NRXN3: variants seen among roughly 807,000 people sequenced by gnomAD.
The protein encoded by NRXN3 is neurexin III.
In NRXN3, 32 loss-of-function variants were observed where a neutral mutation model predicts 137.6. The observed-to-expected ratio is 0.23, with a 90% CI of 0.18 to 0.31. The LOEUF is 0.31. Ranked by LOEUF, NRXN3 falls within the 10% of genes least tolerant of loss-of-function variation. The pLI is 1.00. For synonymous variants in NRXN3, 798 were observed against 784.5 expected, an observed-to-expected ratio of 1.02 and a Z score of -0.29; for missense variants, 1,574 against 2,062.5, an observed-to-expected ratio of 0.76 and a Z score of 4.59.
chr14:79,280,283 G>GC, intron 15 of NRXN3: 1 of 1,613,848 alleles, frequency 6.2e-7, no homozygotes, highest in Non-Finnish European at 8.5e-7. Context: ...GTGGTCCCGT[G>GC]CGTTGACCAT....
chr14:78,542,788 C>A (rs1228116617), intron 4 of NRXN3, among the ~76,000 whole-genome samples: 1 of 152,186 alleles, frequency 6.6e-6, no homozygotes, highest in Non-Finnish European at 1.5e-5. Flanking sequence ...CTGGGAGCTG[C>A]AGACTGGAGC....
intron 16 of NRXN3, among the ~76,000 whole-genome samples, chr14:79,593,775 G>A (rs1602612618): frequency 6.6e-6 from 1 of 152,076 alleles, no homozygotes; most frequent in Non-Finnish European, 1.5e-5. Context: ...TCAATTTGAT[G>A]GATTCTTATT....
intron 15 of NRXN3, among the ~76,000 whole-genome samples, chr14:79,366,183 T>A (rs1157457241): frequency 2.6e-5 from 4 of 152,160 alleles, no homozygotes; most frequent in Non-Finnish European, 1.5e-5. Context: ...ATTTTTTAAT[T>A]ATGGGTACAT....
chr14:78,736,501 C>T (rs1338798082), intron 8 of NRXN3, among the ~76,000 whole-genome samples: 1 of 152,174 alleles, frequency 6.6e-6, no homozygotes, highest in Non-Finnish European at 1.5e-5. Flanking sequence ...ATGTGCCAGA[C>T]ATTGCACAAC....
At chr14:78,232,951 A>T (rs769843775) in intron 1 of NRXN3, among the ~76,000 whole-genome samples, 5 of 152,120 alleles carry the variant, frequency 3.3e-5, no homozygotes, top group Non-Finnish European at 7.3e-5. Flanking sequence ...GCCTGTTGGC[A>T]CCTTACAAGG....
At chr14:79,221,946 G>A (rs531328190) in intron 15 of NRXN3, among the ~76,000 whole-genome samples, 7 of 152,212 alleles carry the variant, frequency 4.6e-5, no homozygotes, top group Admixed American at 4.6e-4. Context: ...GTAAGGAAGG[G>A]GTCCAGTTTC....
At chr14:78,876,783 GGTT>G (rs2152608142) in intron 10 of NRXN3, among the ~76,000 whole-genome samples, 1 of 152,244 alleles carries the variant, frequency 6.6e-6, no homozygotes, top group East Asian at 1.9e-4. Context: ...TACCACATGG[GGTT>G]GTTGTGAGGA....
intron 19 of NRXN3, among the ~76,000 whole-genome samples, chr14:79,766,216 A>G (rs563225887): frequency 2.0e-5 from 3 of 152,056 alleles, no homozygotes; most frequent in Non-Finnish European, 4.4e-5. Context: ...AAGGTTTCAT[A>G]TGGTGTCCAC....
intron 2 of NRXN3, among the ~76,000 whole-genome samples, chr14:78,258,598 G>A (rs909014099): frequency 1.3e-5 from 2 of 152,084 alleles, no homozygotes; most frequent in Non-Finnish European, 2.9e-5. Context: ...TGGGGGAAAG[G>A]AATCCATAAG....
At chr14:78,672,156 G>A (rs1168004990) in intron 6 of NRXN3, among the ~76,000 whole-genome samples, 3 of 152,258 alleles carry the variant, frequency 2.0e-5, no homozygotes, top group Non-Finnish European at 2.9e-5. Flanking sequence ...AAAGCAATTT[G>A]TACTAAAGAC....
At position 79,637,289 on chromosome 14, in the gene NRXN3, ATATTAT is replaced by A. The variant is rs201895873; in HGVS notation, c.3445-26481_3445-26476del. ...CAGATCAAGTGTTAAAGAAGAATTG[ATATTAT>A]TATTATTGTTATTGTTATTATTCTT... On this transcript the variant is annotated intron_variant, in intron 16 of 20. Transcript: ENST00000335750. 5.3e-3 allele frequency among the ~76,000 whole-genome samples: 800 copies of A among 152,278 alleles called. 17 individuals carry two copies. The highest frequency in any genetic ancestry group is 0.039 in the Admixed American group (599 of 15,300).
chr14:79,756,237 T>C (rs774563173), intron 19 of NRXN3, among the ~76,000 whole-genome samples: 4 of 152,190 alleles, frequency 2.6e-5, no homozygotes, highest in East Asian at 1.9e-4. Context: ...TATAGAAGTG[T>C]CTGATTTTTG....
At chr14:78,852,120 T>C (rs1173215631) in intron 10 of NRXN3, among the ~76,000 whole-genome samples, 1 of 152,192 alleles carries the variant, frequency 6.6e-6, no homozygotes, top group Admixed American at 6.6e-5. Flanking sequence ...TTTTAGTGAA[T>C]ATATGAAATG....
rs934805930 is a variant in NRXN3, at chr14:79,354,051, T to C, written c.3263-113170T>C. Among the ~76,000 whole-genome samples the C allele has an allele frequency of 2.0e-5, 3 of 152,138 alleles. No individual in the cohort carries two copies. The South Asian group carries it at 6.2e-4, about 31-fold the overall frequency. On this transcript the variant is annotated intron_variant, in intron 15 of 20. Coordinates refer to ENST00000335750, the MANE Select transcript of NRXN3 (RefSeq NM_001330195.2). ...CACTCAGGCTGATTAAATTGCAAGATTATAATGTTTTCCGACCCTAAGTGA... is the reference window on the plus strand; with the variant it reads ...CACTCAGGCTGATTAAATTGCAAGACTATAATGTTTTCCGACCCTAAGTGA...
intron 15 of NRXN3, among the ~76,000 whole-genome samples, chr14:79,408,981 C>A (rs772567584): frequency 2.0e-5 from 3 of 151,972 alleles, no homozygotes; most frequent in Non-Finnish European, 4.4e-5. Context: ...AGAATAGTTA[C>A]CAGAAATCTC....
At chr14:78,953,600 A>G (rs1212439601) in intron 10 of NRXN3, among the ~76,000 whole-genome samples, 3 of 152,216 alleles carry the variant, frequency 2.0e-5, no homozygotes, top group Non-Finnish European at 4.4e-5. Flanking sequence ...CTCTATTTTT[A>G]CAAAGTTCTG....
chr14:78,998,589 G>A (rs572573520), intron 15 of NRXN3, among the ~76,000 whole-genome samples: 64 of 148,144 alleles, frequency 4.3e-4, no homozygotes, highest in Middle Eastern at 3.4e-3. Flanking sequence ...TGTTAGGAGG[G>A]CTACATTAAA....
At chr14:78,685,840 C>G (rs2098121010) in intron 6 of NRXN3, among the ~76,000 whole-genome samples, 1 of 148,726 alleles carries the variant, frequency 6.7e-6, no homozygotes, top group South Asian at 2.1e-4. Context: ...TTTAGTAAAG[C>G]CTGGGTTTCA....
At chr14:78,667,726 T>C (rs1484884070) in intron 6 of NRXN3, among the ~76,000 whole-genome samples, 1 of 152,160 alleles carries the variant, frequency 6.6e-6, no homozygotes, top group Non-Finnish European at 1.5e-5. Context: ...ATGTGAAATA[T>C]GAATGCAGTG....
Sources: gnomAD v4.1 joint callset for allele counts (sites outside exome capture counted in the v4.1 genomes callset) on GRCh38, gnomAD v4.1.1 for gene constraint, MANE v1.5 for transcripts, NCBI Gene and HGNC (gene_info 2026-07-23, HGNC 2026-07-21) for gene names.